Variants in FAM193A observed in about 807,000 individuals in gnomAD.
The protein encoded by FAM193A is family with sequence similarity 193 member A.
A neutral mutation model predicts 126.5 loss-of-function variants in FAM193A; 22 were observed. The ratio of observed to expected loss-of-function variants is 0.17; its 90% CI spans 0.12 to 0.25. FAM193A has a LOEUF of 0.25. Ranked by LOEUF, FAM193A falls within the 10% of genes least tolerant of loss-of-function variation. The probability of loss-of-function intolerance (pLI) is 1.00; values close to 1 mark genes in which losing one functional copy is unlikely to be tolerated. For synonymous variants in FAM193A, 761 were observed against 646.8 expected, an observed-to-expected ratio of 1.18 and a Z score of -2.68; for missense variants, 1,675 against 1,672.8, an observed-to-expected ratio of 1.00 and a Z score of -0.02.
rs930526854 is a variant in FAM193A at position 2,605,294 on chromosome 4, C to T, written c.501+8965C>T. ...TTCACACTTGCCGGCTGCTCCTAGT[C>T]CTCACTCTTACTGTTCTTTGTTAGT... On this transcript the variant is annotated intron_variant, in intron 2 of 20. Transcript: ENST00000637812. 4.6e-5 allele frequency among the ~76,000 whole-genome samples: 7 copies of T among 152,302 alleles called. No homozygotes were observed. The East Asian group carries it at 1.3e-3, about 29-fold the overall frequency.
intron 19 of FAM193A, among the ~76,000 whole-genome samples, chr4:2,704,156 G>A (rs576105949): frequency 3.3e-5 from 5 of 152,018 alleles, no homozygotes; most frequent in East Asian, 1.9e-4. Context: ...CCAGCTACTC[G>A]GGAGGTTGAG....
intron 3 of FAM193A, 162 bp downstream of exon 3, chr4:2,625,557 CTG>C (rs1048531111): frequency 2.2e-6 from 1 of 458,758 alleles, no homozygotes; most frequent in South Asian, 4.2e-5. Context: ...AAGACAAAAA[CTG>C]TTGCTCTTGA....
At chr4:2,725,020 G>T (rs908389771) in intron 20 of FAM193A, among the ~76,000 whole-genome samples, 2 of 151,826 alleles carry the variant, frequency 1.3e-5, no homozygotes, top group Admixed American at 6.6e-5. Flanking sequence ...TCTATTACAG[G>T]CACCCACCAC....
At chr4:2,561,825 G>C (rs1738635111) in intron 1 of FAM193A, among the ~76,000 whole-genome samples, 1 of 152,096 alleles carries the variant, frequency 6.6e-6, no homozygotes, top group Non-Finnish European at 1.5e-5. Context: ...AACTCAAATG[G>C]GTTATCAGTA....
At chr4:2,639,328 T>C (rs1046340297) in intron 5 of FAM193A, among the ~76,000 whole-genome samples, 2 of 152,124 alleles carry the variant, frequency 1.3e-5, no homozygotes, top group African/African-American at 4.8e-5. Context: ...GGTAAGAAAA[T>C]TGTTATCCTT....
At chr4:2,703,921 A>G (rs1718022292) in intron 19 of FAM193A, among the ~76,000 whole-genome samples, 1 of 151,308 alleles carries the variant, frequency 6.6e-6, no homozygotes, top group African/African-American at 2.4e-5. Flanking sequence ...GCGGTGTGTC[A>G]TGATTGCACC....
chr4:2,619,459 T>C (rs1460748848), intron 2 of FAM193A, among the ~76,000 whole-genome samples: 1 of 151,776 alleles, frequency 6.6e-6, no homozygotes, highest in Admixed American at 6.6e-5. Context: ...CGTGCCACCA[T>C]GCTAATTTTT....
At chr4:2,557,160 G>A (rs1280729099) in intron 1 of FAM193A, among the ~76,000 whole-genome samples, 1 of 152,074 alleles carries the variant, frequency 6.6e-6, no homozygotes. Context: ...ACAGTAATAG[G>A]ACAATTATCA....
chr4:2,711,739 A>G (rs1465839739), intron 19 of FAM193A, among the ~76,000 whole-genome samples: 2 of 151,766 alleles, frequency 1.3e-5, no homozygotes, highest in Admixed American at 1.3e-4. Context: ...ACTTGAGGTC[A>G]GGAGTTCGGA....
intron 20 of FAM193A, among the ~76,000 whole-genome samples, chr4:2,728,309 A>G (rs1241839484): frequency 2.3e-5 from 3 of 128,744 alleles, no homozygotes; most frequent in Non-Finnish European, 4.6e-5. Context: ...GCCTCTGAGT[A>G]TCTTTCCACC....
rs1351634057 is a variant in FAM193A at position 2,708,453 on chromosome 4, A to AT, written c.4373-7562dup. Among the ~76,000 whole-genome samples the AT allele has an allele frequency of 7.3e-5, 11 of 150,904 alleles. No individual in the cohort carries two copies. The South Asian group carries it at 1.5e-3, about 20-fold the overall frequency. Reference sequence around the variant, plus strand: ...TGTTAACTTTATTTTTTTATTTTTTATTTTTTTTAATTTTTATCTATTTTT... The same window carrying AT: ...TGTTAACTTTATTTTTTTATTTTTTATTTTTTTTTAATTTTTATCTATTTTT... On this transcript the variant is annotated intron_variant, in intron 19 of 20. Coordinates refer to ENST00000637812, the MANE Select transcript of FAM193A (RefSeq NM_001366318.2).
intron 13 of FAM193A, among the ~76,000 whole-genome samples, chr4:2,673,437 T>G (rs1014219035): frequency 1.3e-5 from 2 of 152,144 alleles, no homozygotes; most frequent in Admixed American, 6.6e-5. Flanking sequence ...GGTGGAAGAT[T>G]AACAGACACA....
chr4:2,655,086 T>C (rs1711525365), intron 7 of FAM193A: 5 of 701,304 alleles, frequency 7.1e-6, no homozygotes, highest in South Asian at 1.5e-5. Context: ...AATAAGAGCA[T>C]TGATACTGGC....
At chr4:2,558,670 G>A (rs1738419431) in intron 1 of FAM193A, among the ~76,000 whole-genome samples, 1 of 152,140 alleles carries the variant, frequency 6.6e-6, no homozygotes, top group African/African-American at 2.4e-5. Flanking sequence ...GATCACAGGC[G>A]GGAGCCACTG....
chr4:2,611,328 G>A (rs1741858844), intron 2 of FAM193A, among the ~76,000 whole-genome samples: 1 of 152,066 alleles, frequency 6.6e-6, no homozygotes, highest in Non-Finnish European at 1.5e-5. Context: ...GAGTGCAGTG[G>A]CTCAATCTCG....
intron 12 of FAM193A, among the ~76,000 whole-genome samples, chr4:2,668,726 G>T (rs186019448): frequency 7.2e-5 from 11 of 152,154 alleles, no homozygotes; most frequent in African/African-American, 2.2e-4. Context: ...GCAAATAAAA[G>T]AGAAAAATGT....
intron 2 of FAM193A, among the ~76,000 whole-genome samples, chr4:2,605,970 CAAAA>C (rs1160026686): frequency 0.018 from 555 of 31,664 alleles, no homozygotes; most frequent in African/African-American, 0.036. Flanking sequence ...GACTCTGTCT[CAAAA>C]AAAAAAAAAA....
chr4:2,597,065 G>C (rs1740904639), intron 2 of FAM193A, among the ~76,000 whole-genome samples: 1 of 152,126 alleles, frequency 6.6e-6, no homozygotes, highest in Non-Finnish European at 1.5e-5. Context: ...GTGACAATCT[G>C]AAGAGCGCAT....
intron 5 of FAM193A, among the ~76,000 whole-genome samples, chr4:2,636,188 C>T (rs1382479360): frequency 1.3e-5 from 2 of 151,838 alleles, no homozygotes; most frequent in Non-Finnish European, 2.9e-5. Context: ...CTCAGCCTCC[C>T]GAGTAGCTGG....
Sources: allele counts gnomAD v4.1 joint callset (sites outside exome capture counted in the v4.1 genomes callset), GRCh38; gene constraint gnomAD v4.1.1; transcripts MANE v1.5; gene names NCBI Gene and HGNC (gene_info 2026-07-23, HGNC 2026-07-21).